The following CORO2A variants were observed in gnomAD, a reference collection of about 807,000 sequenced individuals.
CORO2A encodes the protein coronin 2A, also known as coronin-2A.
Under a neutral mutation model 62.4 loss-of-function variants are expected in CORO2A, and 47 were observed. The ratio of observed to expected loss-of-function variants is 0.75; its 90% CI spans 0.60 to 0.96. The LOEUF (loss-of-function observed/expected upper bound fraction) is 0.96, where lower values mean the gene tolerates loss of function less well. Ranked by LOEUF, CORO2A falls within the 40% of genes least tolerant of loss-of-function variation. CORO2A has a pLI of 0.00. For missense variants in CORO2A, 610 were observed against 684.1 expected, an observed-to-expected ratio of 0.89 and a Z score of 1.21; for synonymous variants, 273 against 268.9, an observed-to-expected ratio of 1.02 and a Z score of -0.15.
At chr9:98,133,633 C>G (rs1827442347) in intron 4 of CORO2A, among the ~76,000 whole-genome samples, 1 of 152,158 alleles carries the variant, frequency 6.6e-6, no homozygotes, top group Non-Finnish European at 1.5e-5. Context: ...CTAGTGCCCC[C>G]TGAAGTTGGG....
At chr9:98,172,279 G>A (rs542311827) in intron 1 of CORO2A, among the ~76,000 whole-genome samples, 2 of 118,038 alleles carry the variant, frequency 1.7e-5, no homozygotes, top group South Asian at 2.8e-4. Context: ...CCCCACTTCT[G>A]AGCTCGACCC....
intron 1 of CORO2A, 139 bp from the exon 2 acceptor site, chr9:98,157,799 AG>A: frequency 4.3e-6 from 3 of 700,722 alleles, no homozygotes; most frequent in Non-Finnish European, 7.2e-6. Context: ...TGCACTGTGA[AG>A]GGCAAACAAG....
chr9:98,178,208 G>A (rs1022585399), intron 1 of CORO2A, among the ~76,000 whole-genome samples: 10 of 151,978 alleles, frequency 6.6e-5, no homozygotes, highest in Admixed American at 4.6e-4. Flanking sequence ...CACCATGCCC[G>A]GCTAATTATT....
intron 6 of CORO2A, among the ~76,000 whole-genome samples, chr9:98,131,650 A>G (rs1827410906): frequency 6.6e-6 from 1 of 152,134 alleles, no homozygotes; most frequent in African/African-American, 2.4e-5. Context: ...ACCCGATCTC[A>G]TTCCAATCTT....
chr9:98,186,742 C>T (rs752288468), intron 1 of CORO2A, among the ~76,000 whole-genome samples: 11 of 152,070 alleles, frequency 7.2e-5, no homozygotes, highest in Admixed American at 2.6e-4. Context: ...ATTGGGTTAA[C>T]GTATATAAAA....
chr9:98,192,159 G>C (rs1232301360), intron 1 of CORO2A, among the ~76,000 whole-genome samples: 1 of 152,224 alleles, frequency 6.6e-6, no homozygotes, highest in African/African-American at 2.4e-5. Flanking sequence ...GTCCCGACAA[G>C]AGTCCCATGG....
chr9:98,191,795 C>G (rs10985366), intron 1 of CORO2A, among the ~76,000 whole-genome samples: 97,091 of 152,166 alleles, frequency 0.64, 31,943 homozygotes, highest in African/African-American at 0.81. Flanking sequence ...CCGCCAGTCA[C>G]CCCTTGTCAC....
rs1178830761 is a variant in CORO2A, at chr9:98,131,038, T to G, written c.787A>C (p.Met263Leu). 6.2e-7 allele frequency: 1 copy of G among 1,613,212 alleles called. No homozygotes were observed. Among genetic ancestry groups the G allele is most frequent in the Admixed American group, 1.7e-5 (1 of 59,930 alleles). ...GAGGAGCCGTCCAGGTCCTCCTCCA[T>G]CAGAGGCACAGAGAGGTTATCCTGC... is the stretch of plus-strand genomic sequence containing the variant. ...WDQDNLSVPLMEEDLDGSSGV... is the reference protein window; with the variant it reads ...WDQDNLSVPLLEEDLDGSSGV... Residue 263 changes from methionine (M) to leucine (L), a missense_variant, in exon 7 of 12, where the codon ATG becomes CTG. Physicochemically the swap from Met to Leu is conservative, Grantham distance 15 (BLOSUM62 2). Coordinates refer to ENST00000375077, the MANE Select transcript of CORO2A (RefSeq NM_052820.4).
Position 98,182,682 on chromosome 9 carries a change from A to G in CORO2A, c.-1+9877T>C, listed in dbSNP as rs139531268. Among the ~76,000 whole-genome samples, 75 of 152,162 alleles carry G rather than the reference A, an allele frequency of 4.9e-4. 1 individual carries two copies. The highest frequency in any genetic ancestry group is 1.7e-3 in the African/African-American group (71 of 41,530). On this transcript the variant is annotated intron_variant, in intron 1 of 11. Transcript: ENST00000375077. ...CTGCGTGACCTTGCAAATTTACTCA[A>G]CCTCTCTGGGCTCCTGCCTCCTTAT... is the stretch of plus-strand genomic sequence containing the variant.
At position 98,126,741 on chromosome 9, in the gene CORO2A, G is replaced by T; in HGVS notation, c.1254C>A (p.Ser418=). ...AGAGCCGGGGTGAGGCTGGGGCCAT[G>T]GAATTGAAGATAGGTCTCTCTGCAG... ...PLPAERPIFN[S]MAPASPRLLN... is the part of the protein sequence containing the mutation. Residue 418 remains serine (S), a synonymous_variant, in exon 11 of 12, where the codon TCC becomes TCA. Transcript: ENST00000375077. 6.2e-7 allele frequency: 1 copy of T among 1,614,216 alleles called. No individual in the cohort carries two copies. The highest frequency in any genetic ancestry group is 8.5e-7 in the Non-Finnish European group (1 of 1,180,048).
intron 2 of CORO2A, among the ~76,000 whole-genome samples, chr9:98,154,101 A>G (rs1716263067): frequency 6.6e-6 from 1 of 151,966 alleles, no homozygotes; most frequent in Non-Finnish European, 1.5e-5. Flanking sequence ...GTAATTTGGC[A>G]TCCATCTTCA....
chr9:98,135,875 T>C (rs1407360117), intron 3 of CORO2A, among the ~76,000 whole-genome samples: 2 of 152,188 alleles, frequency 1.3e-5, no homozygotes, highest in African/African-American at 2.4e-5. Context: ...TGATGAGGGC[T>C]GTCACTGCAT....
At chr9:98,145,607 G>C (rs1475005262) in intron 2 of CORO2A, among the ~76,000 whole-genome samples, 1 of 152,218 alleles carries the variant, frequency 6.6e-6, no homozygotes, top group African/African-American at 2.4e-5. Flanking sequence ...TTTGATGAGA[G>C]AGGCAGAACA....
intron 1 of CORO2A, among the ~76,000 whole-genome samples, chr9:98,192,087 C>A (rs1359842250): frequency 6.6e-6 from 1 of 152,238 alleles, no homozygotes; most frequent in Non-Finnish European, 1.5e-5. Flanking sequence ...ATGCCCCCCA[C>A]CCCACCGTTT....
At chr9:98,163,708 C>CGG (rs1300638844) in intron 1 of CORO2A, among the ~76,000 whole-genome samples, 17 of 136,822 alleles carry the variant, frequency 1.2e-4, no homozygotes, top group Admixed American at 7.0e-4. Context: ...GACATACATG[C>CGG]GGGGTGTGTG....
At chr9:98,131,920 C>G (rs2118806426) in intron 6 of CORO2A, among the ~76,000 whole-genome samples, 1 of 152,202 alleles carries the variant, frequency 6.6e-6, no homozygotes, top group South Asian at 2.1e-4. Context: ...AGTCCTGGTC[C>G]CAGACTCAGC....
intron 1 of CORO2A, among the ~76,000 whole-genome samples, chr9:98,178,091 G>C (rs1828132583): frequency 6.6e-6 from 1 of 152,014 alleles, no homozygotes; most frequent in South Asian, 2.1e-4. Flanking sequence ...CTGTCGCCTA[G>C]GCTGGAGTGC....
intron 1 of CORO2A, among the ~76,000 whole-genome samples, chr9:98,188,822 A>C (rs1828271601): frequency 6.6e-6 from 1 of 152,166 alleles, no homozygotes; most frequent in African/African-American, 2.4e-5. Flanking sequence ...CAAAAGAAAC[A>C]AACAAAAAAA....
intron 2 of CORO2A, among the ~76,000 whole-genome samples, chr9:98,147,107 C>T (rs1255152069): frequency 6.6e-6 from 1 of 151,768 alleles, no homozygotes; most frequent in African/African-American, 2.4e-5. Flanking sequence ...TCTCTACTTA[C>T]AATAAGAAAA....
Sources: gnomAD v4.1 joint callset for allele counts (sites outside exome capture counted in the v4.1 genomes callset) on GRCh38, gnomAD v4.1.1 for gene constraint, MANE v1.5 for transcripts, NCBI Gene and HGNC (gene_info 2026-07-23, HGNC 2026-07-21) for gene names.